Variants in ZNF385D observed in about 807,000 individuals in gnomAD.
The protein encoded by ZNF385D is zinc finger protein 385D, also known as zinc finger protein 659.
Under a neutral mutation model 35.8 loss-of-function variants are expected in ZNF385D, and 15 were observed. The ratio of observed to expected loss-of-function variants is 0.42; its 90% CI spans 0.28 to 0.64. The LOEUF (loss-of-function observed/expected upper bound fraction) is 0.64. Among genes scored for constraint, ZNF385D ranks in the 30% least tolerant of loss-of-function variants. The pLI is 0.23. For missense variants in ZNF385D, 474 were observed against 494.6 expected (o/e 0.96, Z 0.39); for synonymous variants, 212 against 186.8 (o/e 1.13, Z -1.10).
At chr3:21,850,206 GA>G (rs1696298753) in intron 3 of ZNF385D, among the ~76,000 whole-genome samples, 1 of 152,086 alleles carries the variant, frequency 6.6e-6, no homozygotes, top group Admixed American at 6.6e-5. Context: ...GCACATGATG[GA>G]AAAACTTGTT....
chr3:22,209,171 C>T (rs544570042), intron 2 of ZNF385D, among the ~76,000 whole-genome samples: 4 of 151,830 alleles, frequency 2.6e-5, no homozygotes, highest in Non-Finnish European at 4.4e-5. Flanking sequence ...GTGATATATA[C>T]ATATCTCTGG....
chr3:21,702,329 A>G (rs2067720020), intron 1 of ZNF385D, among the ~76,000 whole-genome samples: 1 of 152,134 alleles, frequency 6.6e-6, no homozygotes, highest in Non-Finnish European at 1.5e-5. Flanking sequence ...TGAGCTCTAC[A>G]TTGGTCCCTA....
intron 3 of ZNF385D, among the ~76,000 whole-genome samples, chr3:21,828,001 C>G (rs957043918): frequency 1.3e-5 from 2 of 152,160 alleles, no homozygotes; most frequent in African/African-American, 4.8e-5. Context: ...TTAAGGAAAA[C>G]TTGACTCAGA....
intron 2 of ZNF385D, among the ~76,000 whole-genome samples, chr3:22,320,330 C>A (rs549438361): frequency 6.6e-6 from 1 of 152,008 alleles, no homozygotes; most frequent in African/African-American, 2.4e-5. Flanking sequence ...ATAACTGGTC[C>A]CAAATTCTTC....
At chr3:22,160,078 T>C (rs1705848782) in intron 3 of ZNF385D, among the ~76,000 whole-genome samples, 1 of 152,078 alleles carries the variant, frequency 6.6e-6, no homozygotes, top group South Asian at 2.1e-4. Context: ...TGCCACCTTG[T>C]GAAGAAGGTG....
At chr3:22,122,114 T>G (rs985203683) in intron 3 of ZNF385D, among the ~76,000 whole-genome samples, 1 of 152,202 alleles carries the variant, frequency 6.6e-6, no homozygotes, top group Admixed American at 6.6e-5. Flanking sequence ...TTTATCAAGT[T>G]TTCTTTTTTT....
At chr3:21,911,056 G>C (rs1168354736) in intron 3 of ZNF385D, among the ~76,000 whole-genome samples, 3 of 151,780 alleles carry the variant, frequency 2.0e-5, no homozygotes, top group African/African-American at 4.8e-5. Flanking sequence ...TGCTTATTAG[G>C]GGGAAAGAGA....
rs1253494389 is a variant in ZNF385D, at chr3:21,787,745, G to A, written c.326-122717C>T. ...TTGAGGAAAGCCTCCATCATGAAAAGCAGAGGCCAAAACAATTGAGGATAA... is the reference window on the plus strand; with the variant it reads ...TTGAGGAAAGCCTCCATCATGAAAAACAGAGGCCAAAACAATTGAGGATAA... On this transcript the variant is annotated intron_variant, in intron 3 of 5. Coordinates refer to the ZNF385D transcript ENST00000494108. Among the ~76,000 whole-genome samples the A allele has an allele frequency of 2.0e-5, 3 of 152,044 alleles. No individual in the cohort carries two copies. In the East Asian group the frequency reaches 5.8e-4, roughly 29 times the overall value.
At chr3:21,463,889 C>A (rs1703337262) in intron 4 of ZNF385D, among the ~76,000 whole-genome samples, 1 of 137,022 alleles carries the variant, frequency 7.3e-6, no homozygotes, top group South Asian at 2.2e-4. Context: ...AGCTGCTTAG[C>A]CTCAGTTTTT....
At chr3:21,733,982 G>GT (rs200784246) in intron 1 of ZNF385D, among the ~76,000 whole-genome samples, 1,721 of 151,932 alleles carry the variant, frequency 0.011, 36 homozygotes, top group African/African-American at 0.04. Flanking sequence ...TAATTATTAT[G>GT]TTTTTTTGGT....
intron 2 of ZNF385D, among the ~76,000 whole-genome samples, chr3:22,207,389 T>C (rs1424775439): frequency 6.6e-6 from 1 of 151,918 alleles, no homozygotes; most frequent in East Asian, 1.9e-4. Flanking sequence ...TGGACACGCA[T>C]ATGCAGAAGA....
chr3:22,158,240 A>G (rs998561868), intron 3 of ZNF385D, among the ~76,000 whole-genome samples: 3 of 152,116 alleles, frequency 2.0e-5, no homozygotes, highest in South Asian at 2.1e-4. Context: ...GCACACTAGC[A>G]TAAGTAAATT....
intron 3 of ZNF385D, among the ~76,000 whole-genome samples, chr3:21,562,468 G>A (rs1360707340): frequency 6.6e-6 from 1 of 152,054 alleles, no homozygotes; most frequent in Non-Finnish European, 1.5e-5. Context: ...TTGCCTGGAT[G>A]TAAGAGGTGA....
chr3:22,091,609 G>A (rs921291623), intron 3 of ZNF385D, among the ~76,000 whole-genome samples: 1 of 151,860 alleles, frequency 6.6e-6, no homozygotes, highest in African/African-American at 2.4e-5. Context: ...AGCCCTCTAG[G>A]TATGTAGCTG....
At chr3:21,537,321 C>T (rs965126805) in intron 3 of ZNF385D, among the ~76,000 whole-genome samples, 5 of 151,348 alleles carry the variant, frequency 3.3e-5, no homozygotes, top group Admixed American at 6.6e-5. Flanking sequence ...TTAGTAGAGA[C>T]GGGGTTTTAT....
intron 2 of ZNF385D, among the ~76,000 whole-genome samples, chr3:21,578,120 T>C (rs1056254655): frequency 6.6e-6 from 1 of 152,156 alleles, no homozygotes; most frequent in African/African-American, 2.4e-5. Context: ...CCCACATTTA[T>C]ATGTTTTCTT....
rs556494604 is a variant in ZNF385D, at chr3:22,096,120, T to TA, written c.325+72696dup. Among the ~76,000 whole-genome samples the TA allele has an allele frequency of 6.9e-3, 1,023 of 147,834 alleles. 7 individuals are homozygous for TA. The highest frequency in any genetic ancestry group is 0.022 in the African/African-American group (925 of 41,182). On this transcript the variant is annotated intron_variant, in intron 3 of 5. Coordinates refer to the ZNF385D transcript ENST00000494108. Reference sequence around the variant, plus strand: ...TTGAGAACGGAATGTTCATATAAGGTAAAAAAAATATATATACATGTTTAA... The same window carrying TA: ...TTGAGAACGGAATGTTCATATAAGGTAAAAAAAAATATATATACATGTTTAA...
At chr3:21,912,245 T>A (rs1702480967) in intron 3 of ZNF385D, among the ~76,000 whole-genome samples, 1 of 151,942 alleles carries the variant, frequency 6.6e-6, no homozygotes, top group Admixed American at 6.6e-5. Context: ...AATGGGAAAC[T>A]AAGGCACAAT....
intron 4 of ZNF385D, among the ~76,000 whole-genome samples, chr3:21,501,009 A>G (rs752143434): frequency 6.6e-6 from 1 of 152,096 alleles, no homozygotes; most frequent in Non-Finnish European, 1.5e-5. Flanking sequence ...CGTGTGTAGA[A>G]CATCACTGCA....
Sources: gnomAD v4.1 joint callset for allele counts (sites outside exome capture counted in the v4.1 genomes callset) on GRCh38, gnomAD v4.1.1 for gene constraint, MANE v1.5 for transcripts, NCBI Gene and HGNC (gene_info 2026-07-23, HGNC 2026-07-21) for gene names.